Variants in UBXN8 observed in about 807,000 individuals in gnomAD.
UBXN8 encodes the protein UBX domain protein 8, also known as UBX domain-containing protein 8.
Under a neutral mutation model 32.1 loss-of-function variants are expected in UBXN8, and 27 were observed. The observed-to-expected ratio is 0.84, with a 90% CI of 0.62 to 1.16. The LOEUF is 1.16. Among genes scored for constraint, UBXN8 ranks in the 50% most tolerant of loss-of-function variants. The pLI is 0.00. For synonymous variants in UBXN8, 109 were observed against 111.8 expected (o/e 0.98, Z 0.16); for missense variants, 306 against 311.4 (o/e 0.98, Z 0.13).
chr8:30,730,771 GA>G (rs1804933355), upstream of UBXN8, among the ~76,000 whole-genome samples: 2 of 152,236 alleles, frequency 1.3e-5, no homozygotes, highest in South Asian at 4.1e-4. Flanking sequence ...CGATAGCCCT[GA>G]AAATCAACGC....
At chr8:30,754,203 G>C (rs1805588368) in intron 3 of UBXN8, 2 of 258,980 alleles carry the variant, frequency 7.7e-6, no homozygotes, top group Non-Finnish European at 1.5e-5. Flanking sequence ...CTGCACCACT[G>C]CACTCCATCC....
chr8:30,737,544 T>C (rs1307675886), intron 1 of UBXN8, among the ~76,000 whole-genome samples: 1 of 152,204 alleles, frequency 6.6e-6, no homozygotes, highest in African/African-American at 2.4e-5. Flanking sequence ...TGGGGTGTGG[T>C]AGGTGCATCA....
intron 7 of UBXN8, among the ~76,000 whole-genome samples, chr8:30,765,532 T>TCACA (rs35820814): frequency 6.6e-6 from 1 of 150,386 alleles, no homozygotes; most frequent in Non-Finnish European, 1.5e-5. Context: ...AAAAAAAATT[T>TCACA]TATATATATA....
At chr8:30,740,225 A>C (rs1252043042), upstream of UBXN8, among the ~76,000 whole-genome samples, 1 of 151,520 alleles carries the variant, frequency 6.6e-6, no homozygotes, top group Non-Finnish European at 1.5e-5. Flanking sequence ...TTTAGGTTGC[A>C]CTGGGTATGC....
chr8:30,744,150 A>C (rs780832626), upstream of UBXN8: 2 of 1,594,202 alleles, frequency 1.3e-6, no homozygotes, highest in Non-Finnish European at 1.7e-6. Context: ...CGCGGCCGGA[A>C]GGGGCGGGCT....
Position 30,754,605 on chromosome 8 carries a change from G to A in UBXN8, c.283-60G>A, listed in dbSNP as rs1230789997. 2.7e-6 allele frequency: 4 copies of A among 1,503,912 alleles called. No individual in the cohort carries two copies. In the African/African-American group the frequency reaches 4.3e-5, roughly 16 times the overall value. The allele number at this position is 1,503,912 out of a possible 1,614,324, so 93.2% of individuals were successfully genotyped here. ...GTTCTTATTTACAACTTTATAGACA[G>A]TGTACATTTTTAGGAACATTAATGG... On this transcript the variant is annotated intron_variant, in intron 3 of 7. Coordinates refer to ENST00000265616, the MANE Select transcript of UBXN8 (RefSeq NM_005671.4).
Position 30,766,591 on chromosome 8 carries a change from C to A in UBXN8, c.*197C>A. ...ATAATCTGTGGACTGTGCCATTTTA[C>A]AGTGTACCAAATGAGAATGAGGTTG... On this transcript the variant is annotated 3_prime_UTR_variant, in exon 8 of 8. Transcript: ENST00000265616. The A allele has an allele frequency of 2.5e-6, 1 of 406,582 alleles. No individual in the cohort carries two copies. Among genetic ancestry groups the A allele is most frequent in the Non-Finnish European group, 4.1e-6 (1 of 242,774 alleles). The allele number at this position is 406,582 out of a possible 1,614,324, so 25.2% of individuals were successfully genotyped here. A position where few individuals can be genotyped will look rare whatever the true frequency, so the allele number is the denominator to read the frequency against.
chr8:30,730,736 A>C (rs56146521), upstream of UBXN8, among the ~76,000 whole-genome samples: 39,430 of 152,126 alleles, frequency 0.26, 6,554 homozygotes, highest in Non-Finnish European at 0.37. Context: ...TGTGAGGCCT[A>C]TCACATGTAT....
At chr8:30,734,524 G>T (rs1805033881) in intron 1 of UBXN8, among the ~76,000 whole-genome samples, 1 of 152,020 alleles carries the variant, frequency 6.6e-6, no homozygotes, top group Non-Finnish European at 1.5e-5. Flanking sequence ...GGAGGGTAAG[G>T]TGAAAGGATC....
chr8:30,743,158 CTTTTTT>C (rs71206286), upstream of UBXN8, among the ~76,000 whole-genome samples: 2 of 136,792 alleles, frequency 1.5e-5, no homozygotes, highest in Non-Finnish European at 3.2e-5. Flanking sequence ...TTCTTTCTTT[CTTTTTT>C]TTTTTTTTTT....
intron 1 of UBXN8, among the ~76,000 whole-genome samples, chr8:30,746,527 T>TC (rs1805364230): frequency 8.3e-6 from 1 of 120,128 alleles, no homozygotes; most frequent in African/African-American, 3.4e-5. Flanking sequence ...TTTTTTTTTC[T>TC]TTTTTTTTTT....
upstream of UBXN8, among the ~76,000 whole-genome samples, chr8:30,743,806 G>A (rs1805274930): frequency 6.6e-6 from 1 of 152,162 alleles, no homozygotes; most frequent in Non-Finnish European, 1.5e-5. Flanking sequence ...CCACAAGGCC[G>A]GGGGGCCCAG....
chr8:30,731,343 C>G (rs961170557), upstream of UBXN8, among the ~76,000 whole-genome samples: 1 of 152,112 alleles, frequency 6.6e-6, no homozygotes, highest in Admixed American at 6.5e-5. Context: ...GCCCCCTTAT[C>G]CAAAAAGACT....
At chr8:30,732,257 TGG>T (rs1804976843), upstream of UBXN8, 1 of 395,594 alleles carries the variant, frequency 2.5e-6, no homozygotes, top group African/African-American at 2.1e-5. Flanking sequence ...GACCTTTTGC[TGG>T]GACACCCCAC....
intron 7 of UBXN8, among the ~76,000 whole-genome samples, chr8:30,765,178 G>T (rs1488598214): frequency 1.3e-5 from 2 of 152,096 alleles, no homozygotes; most frequent in East Asian, 1.9e-4. Context: ...CTTCCAAAGT[G>T]CTGGGATTAC....
intron 1 of UBXN8, 78 bp downstream of exon 1, chr8:30,744,355 C>T: frequency 7.0e-7 from 1 of 1,422,596 alleles, no homozygotes; most frequent in South Asian, 1.2e-5. Flanking sequence ...ACCGCCTCTT[C>T]GGCTGCGTGG....
intron 1 of UBXN8, among the ~76,000 whole-genome samples, chr8:30,738,097 TA>T (rs10711833): frequency 0.63 from 90,237 of 144,378 alleles, 32,521 homozygotes; most frequent in Non-Finnish European, 0.8. Flanking sequence ...TGTGTCTATT[TA>T]AAAAAAAAAA....
chr8:30,741,866 G>A (rs118055026), upstream of UBXN8, among the ~76,000 whole-genome samples: 1 of 152,186 alleles, frequency 6.6e-6, no homozygotes, highest in Non-Finnish European at 1.5e-5. Flanking sequence ...AAACAACAAA[G>A]TTTGGGAAAT....
intron 1 of UBXN8, among the ~76,000 whole-genome samples, chr8:30,738,674 A>T (rs1805122855): frequency 1.4e-5 from 2 of 140,206 alleles, no homozygotes; most frequent in Middle Eastern, 3.7e-3. Context: ...AAAAAAAAAA[A>T]GCTAGGCACG....
Sources: allele counts gnomAD v4.1 joint callset (sites outside exome capture counted in the v4.1 genomes callset), GRCh38; gene constraint gnomAD v4.1.1; transcripts MANE v1.5; gene names NCBI Gene and HGNC (gene_info 2026-07-23, HGNC 2026-07-21).